The following TMEM132B variants were observed in gnomAD, a reference collection of about 807,000 sequenced individuals.
TMEM132B encodes the protein transmembrane protein 132B.
Under a neutral mutation model 90.8 loss-of-function variants are expected in TMEM132B, and 18 were observed. The ratio of observed to expected loss-of-function variants is 0.20; its 90% CI spans 0.14 to 0.29. The LOEUF is 0.29. Ranked by LOEUF, TMEM132B falls within the 10% of genes least tolerant of loss-of-function variation. The probability of loss-of-function intolerance (pLI) is 1.00; values close to 1 mark genes in which losing one functional copy is unlikely to be tolerated. For missense variants in TMEM132B, 1,096 were observed against 1,326.8 expected, an observed-to-expected ratio of 0.83 and a Z score of 2.70; for synonymous variants, 504 against 523.3, an observed-to-expected ratio of 0.96 and a Z score of 0.50.
intron 6 of TMEM132B, among the ~76,000 whole-genome samples, chr12:125,644,862 C>G (rs1886721112): frequency 6.6e-6 from 1 of 152,172 alleles, no homozygotes. Context: ...GTTTCCTCAT[C>G]TATCAATTAG....
At chr12:125,241,392 A>C (rs908148961) in intron 1 of TMEM132B, among the ~76,000 whole-genome samples, 2 of 152,168 alleles carry the variant, frequency 1.3e-5, no homozygotes, top group African/African-American at 4.8e-5. Flanking sequence ...TCAGTTTGTG[A>C]TGCTCTATTT....
At chr12:125,394,778 G>A (rs1215159248) in intron 2 of TMEM132B, among the ~76,000 whole-genome samples, 1 of 152,160 alleles carries the variant, frequency 6.6e-6, no homozygotes, top group Non-Finnish European at 1.5e-5. Context: ...CCTAAGTGAA[G>A]TAACCCAGAA....
At chr12:125,227,596 A>T (rs1024799815) in intron 1 of TMEM132B, among the ~76,000 whole-genome samples, 2 of 151,928 alleles carry the variant, frequency 1.3e-5, no homozygotes, top group Admixed American at 6.6e-5. Context: ...TGCTTTGGAG[A>T]TCTATTAGGA....
intron 5 of TMEM132B, among the ~76,000 whole-genome samples, chr12:125,627,953 G>T (rs1253897884): frequency 6.6e-6 from 1 of 152,144 alleles, no homozygotes; most frequent in Admixed American, 6.5e-5. Flanking sequence ...TTAAGATAAA[G>T]ATCTCCAGTT....
At chr12:125,411,184 T>G (rs1593131396) in intron 2 of TMEM132B, among the ~76,000 whole-genome samples, 12 of 89,732 alleles carry the variant, frequency 1.3e-4, no homozygotes, top group Non-Finnish European at 1.8e-4. Context: ...GTGGAGTGAG[T>G]GGAGGAGTGG....
intron 6 of TMEM132B, among the ~76,000 whole-genome samples, chr12:125,650,011 A>C (rs1291081572): frequency 1.3e-5 from 2 of 152,128 alleles, no homozygotes; most frequent in Non-Finnish European, 2.9e-5. Flanking sequence ...TTAGGGTAGG[A>C]TGGTGGAAGG....
chr12:125,187,405 C>T (rs1237930211), intron 1 of TMEM132B, among the ~76,000 whole-genome samples: 1 of 152,206 alleles, frequency 6.6e-6, no homozygotes, highest in African/African-American at 2.4e-5. Flanking sequence ...ACTGCCCTCC[C>T]CAAGCTACCC....
chr12:125,233,780 C>T (rs1188591859), intron 1 of TMEM132B, among the ~76,000 whole-genome samples: 1 of 152,196 alleles, frequency 6.6e-6, no homozygotes, highest in African/African-American at 2.4e-5. Context: ...GCTTCTCAGC[C>T]ACTGCTGAAT....
chr12:125,495,796 A>G (rs1347310591), intron 3 of TMEM132B, among the ~76,000 whole-genome samples: 2 of 152,212 alleles, frequency 1.3e-5, no homozygotes, highest in East Asian at 3.9e-4. Context: ...CATCCCTGTG[A>G]TATCACAAAT....
chr12:125,317,258 T>C (rs1371762822), intron 1 of TMEM132B, among the ~76,000 whole-genome samples: 3 of 152,144 alleles, frequency 2.0e-5, no homozygotes, highest in African/African-American at 7.2e-5. Flanking sequence ...CTCAAAGCGA[T>C]TGGAAGCACC....
chr12:125,428,125 G>C (rs116172195), intron 3 of TMEM132B, among the ~76,000 whole-genome samples: 1,693 of 152,124 alleles, frequency 0.011, 30 homozygotes, highest in African/African-American at 0.037. Context: ...CCAGGTAGCT[G>C]GGACTACAGG....
intron 1 of TMEM132B, among the ~76,000 whole-genome samples, chr12:125,267,205 G>A (rs976972686): frequency 6.6e-6 from 1 of 152,086 alleles, no homozygotes; most frequent in African/African-American, 2.4e-5. Context: ...GAGACCCAGG[G>A]GTTTCCATCT....
chr12:125,193,004 C>T (rs1872832527), intron 1 of TMEM132B, among the ~76,000 whole-genome samples: 1 of 152,156 alleles, frequency 6.6e-6, no homozygotes, highest in Non-Finnish European at 1.5e-5. Flanking sequence ...GTGCTGATGC[C>T]ATTGTTGTGC....
chr12:125,225,361 C>T (rs944172153), intron 1 of TMEM132B, among the ~76,000 whole-genome samples: 6 of 152,148 alleles, frequency 3.9e-5, no homozygotes, highest in South Asian at 2.1e-4. Flanking sequence ...TTCAAGAGGG[C>T]GATAGCAGAG....
At chr12:125,191,653 G>A (rs1872796435) in intron 1 of TMEM132B, among the ~76,000 whole-genome samples, 1 of 152,158 alleles carries the variant, frequency 6.6e-6, no homozygotes, top group Non-Finnish European at 1.5e-5. Flanking sequence ...ACAAATAAAT[G>A]TATTAACGCA....
intron 5 of TMEM132B, among the ~76,000 whole-genome samples, chr12:125,615,182 A>G (rs1344670343): frequency 2.6e-5 from 4 of 151,974 alleles, no homozygotes; most frequent in African/African-American, 7.3e-5. Context: ...TTGAAGTCTG[A>G]ACTTCTTAGA....
rs1022081187 is a variant in TMEM132B at position 125,209,341 on chromosome 12, T to A, written c.67+22475T>A. On this transcript the variant is annotated intron_variant, in intron 1 of 8. Transcript: ENST00000682704. The surrounding 1 kb of genome is among the most constrained non-coding windows in gnomAD (Gnocchi z 4.4). ...TGGACCGCCCCAGGGGATGGTGCAGTGGGCTTGCTGTGTACCTTTGTCCCA... is the reference window on the plus strand; with the variant it reads ...TGGACCGCCCCAGGGGATGGTGCAGAGGGCTTGCTGTGTACCTTTGTCCCA... Among the ~76,000 whole-genome samples the A allele has an allele frequency of 6.6e-6, 1 of 152,156 alleles. No individual in the cohort carries two copies. Among genetic ancestry groups the A allele is most frequent in the Non-Finnish European group, 1.5e-5 (1 of 68,028 alleles).
At chr12:125,450,842 C>G (rs567527187) in intron 3 of TMEM132B, among the ~76,000 whole-genome samples, 1 of 152,280 alleles carries the variant, frequency 6.6e-6, no homozygotes, top group Non-Finnish European at 1.5e-5. Context: ...CCATTGCCCC[C>G]AGGTTTGATT....
At chr12:125,621,766 T>G (rs1886118878) in intron 5 of TMEM132B, among the ~76,000 whole-genome samples, 1 of 152,126 alleles carries the variant, frequency 6.6e-6, no homozygotes, top group Admixed American at 6.6e-5. Flanking sequence ...ATGGAGAGCA[T>G]GATGTTAATG....
Sources: gnomAD v4.1 joint callset for allele counts (sites outside exome capture counted in the v4.1 genomes callset) on GRCh38, gnomAD v4.1.1 for gene constraint, Gnocchi (gnomAD v3.1) non-coding constraint, MANE v1.5 for transcripts, NCBI Gene and HGNC (gene_info 2026-07-23, HGNC 2026-07-21) for gene names.